CUBN: variants seen among roughly 807,000 people sequenced by gnomAD.
CUBN encodes the protein cubilin.
CUBN carries 282 observed loss-of-function variants against 405.3 expected under a neutral mutation model. The ratio of observed to expected loss-of-function variants is 0.70; its 90% CI spans 0.63 to 0.77. The LOEUF (loss-of-function observed/expected upper bound fraction) is 0.77, where lower values mean the gene tolerates loss of function less well. Among genes scored for constraint, CUBN ranks in the 30% least tolerant of loss-of-function variants. CUBN has a pLI of 0.00. For missense variants in CUBN, 4,514 were observed against 4,475.2 expected (o/e 1.01, Z -0.25); for synonymous variants, 1,684 against 1,617.0 (o/e 1.04, Z -0.99).
rs2271689 is a variant in CUBN, at chr10:17,046,273, A to G, written c.3330-179T>C. On this transcript the variant is annotated intron_variant, in intron 23 of 66. Transcript: ENST00000377833. ...TTTCACTTTTAAATTTTTAAAAATC[A>G]TATTTGAATGACTTAACAAAGAATA... Among the ~76,000 whole-genome samples the G allele has an allele frequency of 0.22, 33,985 of 152,136 alleles. 4,464 individuals are homozygous for G. The highest frequency in any genetic ancestry group is 0.35 in the African/African-American group (14,711 of 41,472).
chr10:16,928,248 C>T lies in CUBN; in HGVS notation c.6180G>A (p.Gly2060=), dbSNP rs534571792. The change falls in exon 41 of 67, where the codon GGG becomes GGA. Residue 2060 remains glycine, a synonymous_variant. Coordinates refer to ENST00000377833, the MANE Select transcript of CUBN (RefSeq NM_001081.4). ...LAVLCGREIP[G]PIRSTGEYMF... is the part of the protein sequence containing the mutation. ...TGTACTCTCCAGTAGACCGGATGGG[C>T]CCAGGGATCTCTCTGCCACAGAGAA... is the stretch of plus-strand genomic sequence containing the variant. 1.3e-5 allele frequency: 21 copies of T among 1,613,890 alleles called. No homozygotes were observed. The East Asian group carries it at 4.7e-4, about 36-fold the overall frequency.
intron 59 of CUBN, 62 bp from the exon 60 acceptor site, chr10:16,851,505 G>A (rs535982161): frequency 3.1e-5 from 45 of 1,437,288 alleles, no homozygotes; most frequent in Non-Finnish European, 4.3e-5. Context: ...ATTGTACATG[G>A]AGGGTTTTTA....
chr10:16,889,011 C>A (rs780846), intron 55 of CUBN, among the ~76,000 whole-genome samples: 114,909 of 152,106 alleles, frequency 0.76, 44,166 homozygotes, highest in African/African-American at 0.87. Context: ...AATCTAGCCA[C>A]AACAATGGTT....
At chr10:16,965,092 T>A (rs1333966657) in intron 31 of CUBN, among the ~76,000 whole-genome samples, 1 of 152,182 alleles carries the variant, frequency 6.6e-6, no homozygotes, top group Admixed American at 6.5e-5. Context: ...TGGATCAGCA[T>A]GTTCTAACAT....
intron 66 of CUBN, among the ~76,000 whole-genome samples, chr10:16,827,056 A>G (rs1236985024): frequency 6.6e-6 from 1 of 152,152 alleles, no homozygotes; most frequent in African/African-American, 2.4e-5. Flanking sequence ...TCCCCGTGAT[A>G]CAGTGTCTGC....
chr10:16,901,218 C>T, intron 52 of CUBN, 120 bp downstream of exon 52: 3 of 1,353,964 alleles, frequency 2.2e-6, no homozygotes, highest in Non-Finnish European at 3.2e-6. Context: ...ACAGTGATCT[C>T]ATTGTAGAAT....
chr10:17,083,493 G>A (rs997911719), intron 17 of CUBN, among the ~76,000 whole-genome samples: 4 of 33,520 alleles, frequency 1.2e-4, no homozygotes, highest in Admixed American at 5.7e-4. Flanking sequence ...CAACAAGAGC[G>A]AAACTCCGTC....
chr10:16,904,008 G>T lies in CUBN; in HGVS notation c.8020C>A (p.Arg2674Ser). The T allele has an allele frequency of 1.2e-6, 2 of 1,613,078 alleles. No individual in the cohort carries two copies. Among genetic ancestry groups the T allele is most frequent in the Non-Finnish European group, 1.7e-6 (2 of 1,179,152 alleles). Residue 2674 changes from arginine (R) to serine (S), a missense_variant, in exon 51 of 67, where the codon CGT becomes AGT. Coordinates refer to ENST00000377833, the MANE Select transcript of CUBN (RefSeq NM_001081.4). The part of the protein sequence containing the change: ...QVWIHFVTNE[R>S]VEHIGFHAKY... ...GCATGGAATCCAATGTGTTCTACAC[G>T]TTCGTTGGTGACAAAGTGAATCCAT...
rs145169791 is a variant in CUBN, at chr10:17,065,620, G to A, written c.3027C>T (p.Ile1009=). The stretch of plus-strand genomic sequence containing the variant: ...TACCACTGCTTGTGAGAGATGGCGG[G>A]ATCGACTTTCCACAGTATCTATTCC... ...TSLGRYCGKS[I]PPSLTSSGNS... is the part of the protein sequence containing the mutation. The change falls in exon 22 of 67, where the codon ATC becomes ATT. Residue 1009 remains isoleucine, a synonymous_variant. Coordinates refer to ENST00000377833, the MANE Select transcript of CUBN (RefSeq NM_001081.4). The A allele has an allele frequency of 1.9e-5, 30 of 1,613,382 alleles. No individual in the cohort carries two copies. Among genetic ancestry groups the A allele is most frequent in the Non-Finnish European group, 2.3e-5 (27 of 1,179,542 alleles).
Position 16,839,967 on chromosome 10 carries a change from C to CA in CUBN, c.10032+362dup, listed in dbSNP as rs550737018. Among the ~76,000 whole-genome samples, 3 of 150,062 alleles carry CA rather than the reference C, an allele frequency of 2.0e-5. No individual in the cohort carries two copies. The East Asian group carries it at 5.9e-4, about 30-fold the overall frequency. On this transcript the variant is annotated intron_variant, in intron 62 of 66. Coordinates refer to ENST00000377833, the MANE Select transcript of CUBN (RefSeq NM_001081.4). ...CATTCTCAGCAAACTATCGCAAGGACAAAAAACCAAACACCGCATATTCTC... is the reference window on the plus strand; with the variant it reads ...CATTCTCAGCAAACTATCGCAAGGACAAAAAAACCAAACACCGCATATTCTC...
intron 21 of CUBN, among the ~76,000 whole-genome samples, chr10:17,066,104 G>A (rs1385432948): frequency 6.6e-6 from 1 of 152,138 alleles, no homozygotes; most frequent in Non-Finnish European, 1.5e-5. Context: ...TTTTGAGAAT[G>A]TGATGAGTTA....
intron 31 of CUBN, among the ~76,000 whole-genome samples, chr10:16,966,712 G>A (rs909999267): frequency 6.6e-6 from 1 of 152,096 alleles, no homozygotes; most frequent in Non-Finnish European, 1.5e-5. Context: ...GCCTTTCAAA[G>A]TGCTGGGATT....
chr10:16,836,272 G>A lies in CUBN; in HGVS notation c.10143C>T (p.Asn3381=), dbSNP rs1839164438. The A allele has an allele frequency of 3.7e-6, 6 of 1,613,836 alleles. No individual in the cohort carries two copies. The highest frequency in any genetic ancestry group is 5.1e-6 in the Non-Finnish European group (6 of 1,179,726). ...AGGTGAAACTCATTCTAGAGTTTCT[G>A]TTTACAACTCCAGATTTGAAAATGA... The part of the protein sequence containing the change: ...AMVIFKSGVV[N]RNSRMSFTYQ... The change falls in exon 63 of 67, where the codon AAC becomes AAT. Residue 3381 remains asparagine, a synonymous_variant. Coordinates refer to ENST00000377833, the MANE Select transcript of CUBN (RefSeq NM_001081.4).
Position 17,100,076 on chromosome 10 carries a change from T to C in CUBN, c.1694A>G (p.Tyr565Cys), listed in dbSNP as rs1378375881. Residue 565 changes from tyrosine to cysteine, a missense_variant, in exon 14 of 67, where the codon TAT (tyrosine) becomes TGT (cysteine). Transcript: ENST00000377833. ...TAAATGTTCAGAATAGAGATGAAAATAGAGAGCATTGTCACTGCTGAGGAG... is the reference window on the plus strand; with the variant it reads ...TAAATGTTCAGAATAGAGATGAAAACAGAGAGCATTGTCACTGCTGAGGAG... ...HELLSSDNAL[Y>C]FHLYSEHLRN... 6.2e-7 allele frequency: 1 copy of C among 1,613,856 alleles called. No homozygotes were observed. Among genetic ancestry groups the C allele is most frequent in the South Asian group, 1.1e-5 (1 of 91,064 alleles).
At position 16,851,693 on chromosome 10, in the gene CUBN, C is replaced by T. The variant is rs538266595; in HGVS notation, c.9455-250G>A. ...CCCTCCCTCACTCTATCTTTCCCTCCCTCCCTCTATCTTTCCTTCCCTCCA... is the reference window on the plus strand; with the variant it reads ...CCCTCCCTCACTCTATCTTTCCCTCTCTCCCTCTATCTTTCCTTCCCTCCA... On this transcript the variant is annotated intron_variant, in intron 59 of 66. Transcript: ENST00000377833. 9.7e-5 allele frequency among the ~76,000 whole-genome samples: 14 copies of T among 143,608 alleles called. No individual in the cohort carries two copies. In the South Asian group the frequency reaches 2.4e-3, roughly 24 times the overall value. The allele number at this position is 143,608 out of a possible 152,430, so 94.2% of individuals were successfully genotyped here. A position where few individuals can be genotyped will look rare whatever the true frequency, so the allele number is the denominator to read the frequency against.
chr10:16,842,362 G>A (rs1030477595), intron 60 of CUBN, among the ~76,000 whole-genome samples: 2 of 152,180 alleles, frequency 1.3e-5, no homozygotes, highest in African/African-American at 2.4e-5. Flanking sequence ...TTAGAAAAGT[G>A]TCTGCACGTG....
chr10:17,021,046 T>C lies in CUBN; in HGVS notation c.4018-1063A>G, dbSNP rs1834485664. Among the ~76,000 whole-genome samples, 4 of 152,340 alleles carry C rather than the reference T, an allele frequency of 2.6e-5. No individual in the cohort carries two copies. The South Asian group carries it at 8.3e-4, about 32-fold the overall frequency. On this transcript the variant is annotated intron_variant, in intron 27 of 66. Transcript: ENST00000377833. Reference sequence around the variant, plus strand: ...TGATGACGATCATGTTTTAAACTAGTACTGACAGTGAAAAACTGCCTTTTT... The same window carrying C: ...TGATGACGATCATGTTTTAAACTAGCACTGACAGTGAAAAACTGCCTTTTT...
At chr10:17,039,318 T>C (rs540800818) in intron 27 of CUBN, among the ~76,000 whole-genome samples, 1 of 152,356 alleles carries the variant, frequency 6.6e-6, no homozygotes, top group African/African-American at 2.4e-5. Context: ...TTCTCATTCA[T>C]TAGTAGTTAT....
At position 16,913,966 on chromosome 10, in the gene CUBN, T is replaced by A; in HGVS notation, c.7378A>T (p.Ile2460Phe). 1.9e-6 allele frequency: 3 copies of A among 1,614,024 alleles called. No homozygotes were observed. In the South Asian group the frequency reaches 3.3e-5, roughly 18 times the overall value. Residue 2460 changes from isoleucine (I) to phenylalanine (F), a missense_variant, in exon 48 of 67, where the codon ATT becomes TTT. By Grantham distance (21) the Ile-to-Phe change is conservative. Coordinates refer to ENST00000377833, the MANE Select transcript of CUBN (RefSeq NM_001081.4). ...EECGGDLQGS[I>F]GTFTSPNYPN... ...TAGTTGGGAGAAGTAAATGTTCCAA[T>A]AGAGCCCTGAAGATCCCCACCACAC...
Sources: allele counts gnomAD v4.1 joint callset (sites outside exome capture counted in the v4.1 genomes callset), GRCh38; gene constraint gnomAD v4.1.1; transcripts MANE v1.5; gene names NCBI Gene and HGNC (gene_info 2026-07-23, HGNC 2026-07-21).